Variants in SNTG1 observed in about 807,000 individuals in gnomAD.
The protein encoded by SNTG1 is syntrophin gamma 1.
In SNTG1, 39 loss-of-function variants were observed where a neutral mutation model predicts 74.7. That is an observed-to-expected ratio of 0.52 (90% CI 0.40 to 0.68). The LOEUF (loss-of-function observed/expected upper bound fraction) is 0.68, where lower values mean the gene tolerates loss of function less well. Ranked by LOEUF, SNTG1 falls within the 30% of genes least tolerant of loss-of-function variation. SNTG1 has a pLI of 0.00. For missense variants in SNTG1, 685 were observed against 609.5 expected (o/e 1.12, Z -1.30); for synonymous variants, 254 against 217.1 (o/e 1.17, Z -1.49).
chr8:49,921,128 A>T (rs1806503524), intron 1 of SNTG1, among the ~76,000 whole-genome samples: 1 of 152,132 alleles, frequency 6.6e-6, no homozygotes, highest in African/African-American at 2.4e-5. Context: ...GATTACTGCT[A>T]AAGCTATGAA....
At chr8:50,585,311 T>C (rs1477759824) in intron 12 of SNTG1, among the ~76,000 whole-genome samples, 2 of 152,174 alleles carry the variant, frequency 1.3e-5, no homozygotes, top group Non-Finnish European at 2.9e-5. Context: ...TTCTGCTCCT[T>C]TTACAGCCAG....
At chr8:50,461,706 CTGT>C (rs1038005304) in intron 8 of SNTG1, among the ~76,000 whole-genome samples, 27 of 146,650 alleles carry the variant, frequency 1.8e-4, no homozygotes, top group African/African-American at 5.6e-4. Flanking sequence ...GTAGGATTTG[CTGT>C]TGTTGTTGTT....
chr8:50,263,870 A>T (rs1368202813), intron 2 of SNTG1, among the ~76,000 whole-genome samples: 1 of 152,174 alleles, frequency 6.6e-6, no homozygotes, highest in East Asian at 1.9e-4. Context: ...CACTTCACTC[A>T]GTGATTGCGG....
At chr8:50,496,144 A>G (rs981377039) in intron 8 of SNTG1, among the ~76,000 whole-genome samples, 5 of 152,212 alleles carry the variant, frequency 3.3e-5, no homozygotes, top group Admixed American at 6.5e-5. Context: ...GATCCTTTTC[A>G]GATAGGATCC....
intron 18 of SNTG1, among the ~76,000 whole-genome samples, chr8:50,786,699 T>C (rs1276183355): frequency 1.3e-5 from 2 of 152,012 alleles, no homozygotes; most frequent in Non-Finnish European, 2.9e-5. Context: ...TATTTATTGT[T>C]AACTGTCTTT....
chr8:50,683,889 T>A (rs559536341), intron 15 of SNTG1, among the ~76,000 whole-genome samples: 1 of 152,288 alleles, frequency 6.6e-6, no homozygotes, highest in African/African-American at 2.4e-5. Context: ...ATATAAAAGG[T>A]TACTTTTCAA....
intron 1 of SNTG1, among the ~76,000 whole-genome samples, chr8:50,037,616 A>G (rs1011589891): frequency 6.6e-6 from 1 of 152,238 alleles, no homozygotes; most frequent in Admixed American, 6.5e-5. Context: ...TAAAAGAAGC[A>G]ATGATGTAAC....
At chr8:50,445,027 T>C (rs956027081) in intron 5 of SNTG1, among the ~76,000 whole-genome samples, 2 of 152,106 alleles carry the variant, frequency 1.3e-5, no homozygotes, top group Non-Finnish European at 2.9e-5. Context: ...CCAGAAGAAA[T>C]CTCATATTTA....
chr8:50,082,236 G>A (rs1050487808), intron 1 of SNTG1, among the ~76,000 whole-genome samples: 1 of 152,090 alleles, frequency 6.6e-6, no homozygotes, highest in South Asian at 2.1e-4. Context: ...CTGCCTTGAA[G>A]TCTTTGCTGA....
chr8:50,687,508 A>G (rs2095357842), intron 15 of SNTG1, among the ~76,000 whole-genome samples: 1 of 152,262 alleles, frequency 6.6e-6, no homozygotes, highest in Admixed American at 6.5e-5. Flanking sequence ...AACAAAGCAG[A>G]TGCTGAATCA....
chr8:50,050,535 G>T (rs558219377), intron 1 of SNTG1, among the ~76,000 whole-genome samples: 12 of 152,122 alleles, frequency 7.9e-5, no homozygotes, highest in African/African-American at 2.6e-4. Context: ...GGAGTAAACA[G>T]ATTGAATTAT....
At chr8:50,464,873 T>C (rs1023011800) in intron 8 of SNTG1, among the ~76,000 whole-genome samples, 6 of 151,920 alleles carry the variant, frequency 3.9e-5, no homozygotes, top group African/African-American at 1.4e-4. Flanking sequence ...TTCAAGCAGT[T>C]TGACTAACTG....
At chr8:50,731,760 A>G (rs767128021) in intron 17 of SNTG1, among the ~76,000 whole-genome samples, 1 of 152,150 alleles carries the variant, frequency 6.6e-6, no homozygotes, top group Non-Finnish European at 1.5e-5. Flanking sequence ...CAATTGCCAT[A>G]GTGTTTATCA....
intron 13 of SNTG1, among the ~76,000 whole-genome samples, chr8:50,645,112 C>A (rs67095253): frequency 0.3 from 31,956 of 106,954 alleles, 3,738 homozygotes; most frequent in African/African-American, 0.41. Context: ...CATCAAAGAT[C>A]AGAAAAATGT....
chr8:50,389,142 C>A (rs1166266141), intron 2 of SNTG1, among the ~76,000 whole-genome samples: 6 of 152,136 alleles, frequency 3.9e-5, no homozygotes, highest in Non-Finnish European at 8.8e-5. Context: ...AGCATATGGT[C>A]ATTTCTCCCC....
chr8:50,559,123 G>A (rs931051794), intron 12 of SNTG1, among the ~76,000 whole-genome samples: 4 of 152,172 alleles, frequency 2.6e-5, no homozygotes, highest in African/African-American at 9.7e-5. Context: ...AATCATGCCA[G>A]ATAGAGGCTT....
intron 2 of SNTG1, among the ~76,000 whole-genome samples, chr8:50,272,317 T>C (rs2087825806): frequency 6.6e-6 from 1 of 152,166 alleles, no homozygotes; most frequent in African/African-American, 2.4e-5. Flanking sequence ...TCTGGGACAG[T>C]TCAAGTGTCA....
chr8:50,435,300 T>C (rs988255249), intron 4 of SNTG1, among the ~76,000 whole-genome samples: 1 of 152,176 alleles, frequency 6.6e-6, no homozygotes, highest in Non-Finnish European at 1.5e-5. Flanking sequence ...GATTTTGTGT[T>C]TTACAAAATA....
chr8:50,204,056 T>C (rs2084099614), intron 2 of SNTG1, among the ~76,000 whole-genome samples: 2 of 152,120 alleles, frequency 1.3e-5, no homozygotes, highest in Non-Finnish European at 2.9e-5. Flanking sequence ...ATACATTTTG[T>C]ATACAGACAT....
Sources: gnomAD v4.1 joint callset for allele counts (sites outside exome capture counted in the v4.1 genomes callset) on GRCh38, gnomAD v4.1.1 for gene constraint, MANE v1.5 for transcripts, NCBI Gene and HGNC (gene_info 2026-07-23, HGNC 2026-07-21) for gene names.